CNTN5: variants seen among roughly 807,000 people sequenced by gnomAD.
CNTN5 encodes contactin 5, also known as contactin-5.
CNTN5 carries 77 observed loss-of-function variants against 129.1 expected under a neutral mutation model. The ratio of observed to expected loss-of-function variants is 0.60; its 90% CI spans 0.50 to 0.72. The LOEUF (loss-of-function observed/expected upper bound fraction) is 0.72, where lower values mean the gene tolerates loss of function less well. CNTN5 is among the 30% of genes least tolerant of loss of function. The probability of loss-of-function intolerance (pLI) is 0.00; values close to 1 mark genes in which losing one functional copy is unlikely to be tolerated. For synonymous variants in CNTN5, 509 were observed against 465.6 expected (o/e 1.09, Z -1.20); for missense variants, 1,478 against 1,328.8 (o/e 1.11, Z -1.75).
chr11:99,211,493 A>G (rs1333640174), intron 1 of CNTN5, among the ~76,000 whole-genome samples: 1 of 151,836 alleles, frequency 6.6e-6, no homozygotes, highest in Non-Finnish European at 1.5e-5. Flanking sequence ...GATCTAGAGA[A>G]CTTGTTATTT....
intron 1 of CNTN5, among the ~76,000 whole-genome samples, chr11:99,163,262 G>C (rs1054783904): frequency 6.6e-6 from 1 of 151,830 alleles, no homozygotes; most frequent in African/African-American, 2.4e-5. Flanking sequence ...ATAAATTTAC[G>C]TTGTTTTCTA....
At chr11:99,303,540 TG>T (rs1864737666) in intron 1 of CNTN5, among the ~76,000 whole-genome samples, 1 of 150,090 alleles carries the variant, frequency 6.7e-6, no homozygotes, top group African/African-American at 2.5e-5. Flanking sequence ...AGATTAAAAC[TG>T]GAGGAAAGAA....
At chr11:99,260,664 G>A (rs1862585106) in intron 1 of CNTN5, among the ~76,000 whole-genome samples, 1 of 151,826 alleles carries the variant, frequency 6.6e-6, no homozygotes, top group Non-Finnish European at 1.5e-5. Context: ...CAATCCTCTT[G>A]TTTTTAGAGA....
chr11:100,190,209 A>G (rs1388873834), intron 13 of CNTN5, among the ~76,000 whole-genome samples: 1 of 152,152 alleles, frequency 6.6e-6, no homozygotes, highest in Non-Finnish European at 1.5e-5. Context: ...TTAGGATTTT[A>G]AAGTTCACAG....
chr11:99,679,600 G>A (rs1329448184), intron 3 of CNTN5, among the ~76,000 whole-genome samples: 1 of 152,112 alleles, frequency 6.6e-6, no homozygotes, highest in Non-Finnish European at 1.5e-5. Flanking sequence ...TCCACTGCAG[G>A]CCACTTTTTC....
intron 8 of CNTN5, among the ~76,000 whole-genome samples, chr11:99,963,596 C>A (rs1320350094): frequency 3.3e-5 from 5 of 152,114 alleles, no homozygotes; most frequent in Admixed American, 6.6e-5. Flanking sequence ...TAGTGTGATG[C>A]CTCCAGCTTT....
At chr11:99,162,689 C>T (rs1340266514) in intron 1 of CNTN5, among the ~76,000 whole-genome samples, 1 of 152,146 alleles carries the variant, frequency 6.6e-6, no homozygotes, top group African/African-American at 2.4e-5. Flanking sequence ...TGAAGTTGCA[C>T]AGCTATGAGG....
intron 6 of CNTN5, among the ~76,000 whole-genome samples, chr11:99,894,845 C>T (rs904826414): frequency 1.7e-4 from 26 of 152,110 alleles, no homozygotes; most frequent in Admixed American, 1.4e-3. Context: ...TAAATTTTAC[C>T]TTATGAAGAA....
chr11:99,741,190 T>C (rs757984338), intron 3 of CNTN5, among the ~76,000 whole-genome samples: 1 of 152,274 alleles, frequency 6.6e-6, no homozygotes, highest in Non-Finnish European at 1.5e-5. Flanking sequence ...GTTTAAATTA[T>C]TGGGATTCTA....
chr11:99,420,140 C>T (rs977003619), intron 2 of CNTN5, among the ~76,000 whole-genome samples: 1 of 152,134 alleles, frequency 6.6e-6, no homozygotes, highest in Non-Finnish European at 1.5e-5. Flanking sequence ...GGATACAAGG[C>T]TGCAGAACCG....
intron 2 of CNTN5, among the ~76,000 whole-genome samples, chr11:99,334,522 T>C (rs1234681409): frequency 6.6e-6 from 1 of 152,062 alleles, no homozygotes; most frequent in Non-Finnish European, 1.5e-5. Flanking sequence ...AATAAAACTT[T>C]ACATACACAC....
chr11:99,551,994 G>A (rs1591266431), intron 2 of CNTN5, among the ~76,000 whole-genome samples: 1 of 149,566 alleles, frequency 6.7e-6, no homozygotes, highest in East Asian at 2.0e-4. Context: ...TGCAACCTCT[G>A]TCTCCCTGGT....
At chr11:99,455,449 T>TA (rs1565596010) in intron 2 of CNTN5, among the ~76,000 whole-genome samples, 19 of 151,714 alleles carry the variant, frequency 1.3e-4, no homozygotes, top group African/African-American at 3.4e-4. Context: ...GTTTTTTTTT[T>TA]TAAAAAAAAC....
intron 3 of CNTN5, among the ~76,000 whole-genome samples, chr11:99,659,110 G>A (rs1952502155): frequency 6.6e-6 from 1 of 151,960 alleles, no homozygotes; most frequent in Non-Finnish European, 1.5e-5. Flanking sequence ...GGAGGGTTGG[G>A]AATGAAAGAT....
intron 2 of CNTN5, among the ~76,000 whole-genome samples, chr11:99,442,043 C>G (rs909764557): frequency 4.3e-4 from 66 of 152,258 alleles, no homozygotes; most frequent in African/African-American, 1.5e-3. Context: ...CCTGATCATC[C>G]TAAGCAGAAT....
At chr11:99,485,876 TG>T (rs939764670) in intron 2 of CNTN5, among the ~76,000 whole-genome samples, 1 of 151,710 alleles carries the variant, frequency 6.6e-6, no homozygotes, top group African/African-American at 2.4e-5. Context: ...ATCAAGCAAT[TG>T]GTTTTCATTT....
chr11:100,119,638 A>AT (rs1291606614), intron 13 of CNTN5, among the ~76,000 whole-genome samples: 1 of 151,934 alleles, frequency 6.6e-6, no homozygotes, highest in Non-Finnish European at 1.5e-5. Context: ...TTATGGAAGA[A>AT]TATAGAAATG....
At chr11:99,796,271 C>T (rs1041646546) in intron 3 of CNTN5, among the ~76,000 whole-genome samples, 2 of 152,080 alleles carry the variant, frequency 1.3e-5, no homozygotes, top group South Asian at 4.1e-4. Flanking sequence ...AATGGTGGCA[C>T]AGTCAGGGAG....
chr11:99,522,560 C>T (rs1041165483), intron 2 of CNTN5, among the ~76,000 whole-genome samples: 1 of 152,050 alleles, frequency 6.6e-6, no homozygotes, highest in African/African-American at 2.4e-5. Context: ...TCTCTATAGA[C>T]ATTCACTAAA....
Sources: allele counts gnomAD v4.1 joint callset (sites outside exome capture counted in the v4.1 genomes callset), GRCh38; gene constraint gnomAD v4.1.1; transcripts MANE v1.5; gene names NCBI Gene and HGNC (gene_info 2026-07-23, HGNC 2026-07-21).